GLS2: variants seen among roughly 807,000 people sequenced by gnomAD.
GLS2 encodes glutaminase liver isoform, mitochondrial.
In GLS2, 52 loss-of-function variants were observed where a neutral mutation model predicts 79.0. The observed-to-expected ratio is 0.66, with a 90% CI of 0.53 to 0.83. The LOEUF is 0.83. Among genes scored for constraint, GLS2 ranks in the 40% least tolerant of loss-of-function variants. The pLI is 0.00. For synonymous variants in GLS2, 238 were observed against 280.8 expected (o/e 0.85, Z 1.52); for missense variants, 561 against 764.8 (o/e 0.73, Z 3.14).
Position 56,475,031 on chromosome 12 carries a change from C to T in GLS2, c.996+13G>A. 1 of 1,614,148 alleles carries T rather than the reference C, an allele frequency of 6.2e-7. No homozygotes were observed. The highest frequency in any genetic ancestry group is 2.2e-5 in the East Asian group (1 of 44,890). On this transcript the variant is annotated intron_variant, in intron 10 of 17. Transcript: ENST00000311966. The stretch of plus-strand genomic sequence containing the variant: ...ATTCCCAGGGACTTTCTCTTCCGGC[C>T]TCTTCTGGTTACCTTCTTTTCCTTG...
intron 12 of GLS2, 88 bp from the exon 13 acceptor site, chr12:56,473,682 C>G: frequency 6.8e-7 from 1 of 1,472,684 alleles, no homozygotes; most frequent in Non-Finnish European, 9.1e-7. Flanking sequence ...AACAAGTTTA[C>G]AAATGACTGC....
In GLS2 at chr12:56,480,294, G is replaced by A; in HGVS notation, c.276C>T (p.Phe92=). ...CAGGTAGAGGGCAACTTACAGTGGT[G>A]AACTTGTGGATAGGGATTCGTTCCT... ...EGQERIPIHK[F]TTALKATGLQ... is the part of the protein sequence containing the mutation. Residue 92 remains phenylalanine (F), a synonymous_variant, in exon 2 of 18, where the codon TTC becomes TTT. Coordinates refer to ENST00000311966, the MANE Select transcript of GLS2 (RefSeq NM_013267.4). The A allele has an allele frequency of 6.2e-6, 10 of 1,613,818 alleles. No individual in the cohort carries two copies. The highest frequency in any genetic ancestry group is 1.1e-5 in the South Asian group (1 of 91,068).
chr12:56,474,981 C>G, intron 10 of GLS2, 63 bp downstream of exon 10: 2 of 1,613,852 alleles, frequency 1.2e-6, no homozygotes, highest in Non-Finnish European at 1.7e-6. Context: ...CCCCCAACCC[C>G]TACTGCCCTT....
Position 56,480,335 on chromosome 12 carries a change from T to C in GLS2, c.235A>G (p.Thr79Ala). 6.2e-7 allele frequency: 1 copy of C among 1,614,114 alleles called. No individual in the cohort carries two copies. The highest frequency in any genetic ancestry group is 1.1e-5 in the South Asian group (1 of 91,084). Residue 79 changes from threonine to alanine, a missense_variant, in exon 2 of 18, where the codon ACT becomes GCT. By Grantham distance (58) the Thr-to-Ala change is moderately conservative. Around this residue, in one of 4 missense-constraint regions of GLS2, gnomAD observed 161 missense variants for 167.8 expected, o/e 0.96. Transcript: ENST00000311966. ...LSRLGDLLFY[T>A]IAEGQERIPI... ...ATTCGTTCCTGTCCTTCAGCAATAG[T>C]GTAAAAGAGCAAATCACCCAGGCGG...
In GLS2 at chr12:56,474,543, C is replaced by G. The variant is rs1469719484; in HGVS notation, c.1224+1G>C. The G allele has an allele frequency of 6.2e-7, 1 of 1,613,754 alleles. No homozygotes were observed. Among genetic ancestry groups the G allele is most frequent in the Non-Finnish European group, 8.5e-7 (1 of 1,180,030 alleles). On this transcript the variant is annotated splice_donor_variant, in intron 12 of 17. Coordinates refer to ENST00000311966, the MANE Select transcript of GLS2 (RefSeq NM_013267.4). LOFTEE classifies it high-confidence loss of function. ...GATGGATAGCAGAGCCAGAAACTCA[C>G]GTGGAAGGCAAACTGGCCAGAGAAG... is the stretch of plus-strand genomic sequence containing the variant.
In GLS2 at chr12:56,476,296, G is replaced by A. The variant is rs530258995; in HGVS notation, c.838-319C>T. Reference sequence around the variant, plus strand: ...TCCCACTTCAGCCTCCAAGTAGCTCGGATTACAGGCATGAGCCAGCTTGCT... The same window carrying A: ...TCCCACTTCAGCCTCCAAGTAGCTCAGATTACAGGCATGAGCCAGCTTGCT... On this transcript the variant is annotated intron_variant, in intron 7 of 17. Transcript: ENST00000311966. 2.7e-3 allele frequency: 880 copies of A among 324,064 alleles called. 8 individuals carry two copies. Among genetic ancestry groups the A allele is most frequent in the Middle Eastern group, 9.9e-3 (10 of 1,010 alleles). 20.1% of individuals were successfully genotyped at this position (324,064 alleles called of 1,614,324 possible). A position where few individuals can be genotyped will look rare whatever the true frequency, so the allele number is the denominator to read the frequency against.
chr12:56,472,505 T>C, intron 15 of GLS2, 185 bp downstream of exon 15: 1 of 624,652 alleles, frequency 1.6e-6, no homozygotes, highest in South Asian at 2.0e-5. Context: ...ACATTAATTA[T>C]CATAGAGCAG....
In GLS2 at chr12:56,473,859, TTAGGAGA is replaced by T. The variant is rs1050846922; in HGVS notation, c.1225-272_1225-266del. 53 of 383,846 alleles carry T rather than the reference TTAGGAGA, an allele frequency of 1.4e-4. 1 individual carries two copies. The highest frequency in any genetic ancestry group is 1.0e-3 in the African/African-American group (51 of 48,608). 23.8% of individuals were successfully genotyped at this position (383,846 alleles called of 1,614,324 possible). ...AGAACTAGGAACTTCCATTCTGGTGTTAGGAGATAGGTAATAAACAGGTAAATAAATA... is the reference window on the plus strand; with the variant it reads ...AGAACTAGGAACTTCCATTCTGGTGTTAGGTAATAAACAGGTAAATAAATA... On this transcript the variant is annotated intron_variant, in intron 12 of 17. Coordinates refer to ENST00000311966, the MANE Select transcript of GLS2 (RefSeq NM_013267.4).
Position 56,478,114 on chromosome 12 carries a change from C to T in GLS2, c.615-18G>A, listed in dbSNP as rs753937723. The stretch of plus-strand genomic sequence containing the variant: ...CAGAGTGCCTGGAGGCAGACAGATG[C>T]CATGAAAGGGGTTGGCCTGTGTTCG... On this transcript the variant is annotated intron_variant, in intron 5 of 17. Transcript: ENST00000311966. 1 of 1,613,922 alleles carries T rather than the reference C, an allele frequency of 6.2e-7. No homozygotes were observed. Among genetic ancestry groups the T allele is most frequent in the South Asian group, 1.1e-5 (1 of 91,068 alleles).
chr12:56,471,167 G>A lies in GLS2; in HGVS notation c.*320C>T, dbSNP rs2136175233. ...CCACCAGAGTATCTCTCTCATGATG[G>A]TTTCTTCAGGGAGAGGAAGAGGAGA... On this transcript the variant is annotated 3_prime_UTR_variant, in exon 18 of 18. Coordinates refer to ENST00000311966, the MANE Select transcript of GLS2 (RefSeq NM_013267.4). The A allele has an allele frequency of 4.7e-6, 2 of 427,610 alleles. No homozygotes were observed. The highest frequency in any genetic ancestry group is 9.1e-5 in the South Asian group (1 of 11,046). The allele number at this position is 427,610 out of a possible 1,614,324, so 26.5% of individuals were successfully genotyped here. A position where few individuals can be genotyped will look rare whatever the true frequency, so the allele number is the denominator to read the frequency against.
intron 3 of GLS2, 113 bp from the exon 4 acceptor site, chr12:56,479,294 AACAGCTCTGTT>A: frequency 7.4e-7 from 1 of 1,351,110 alleles, no homozygotes; most frequent in East Asian, 2.5e-5. Flanking sequence ...GTTTGGGATC[AACAGCTCTGTT>A]ACCTTTGGCA....
chr12:56,478,028 A>G lies in GLS2; in HGVS notation c.683T>C (p.Ile228Thr). The G allele has an allele frequency of 6.2e-7, 1 of 1,614,212 alleles. No homozygotes were observed. The highest frequency in any genetic ancestry group is 8.5e-7 in the Non-Finnish European group (1 of 1,180,028). ...GTCAGTGCCTAGGGTGCTTATGGAG[A>G]TGGCATAGGTGAGGGGCTTCACACA... ...QSCVKPLTYA[I>T]SISTLGTDYV... Residue 228 changes from isoleucine (I) to threonine (T), a missense_variant, in exon 6 of 18, where the codon ATC (isoleucine) becomes ACC (threonine). Coordinates refer to ENST00000311966, the MANE Select transcript of GLS2 (RefSeq NM_013267.4).
chr12:56,478,961 G>A lies in GLS2; in HGVS notation c.534+91C>T, dbSNP rs1282376523. On this transcript the variant is annotated intron_variant, in intron 4 of 17. Transcript: ENST00000311966. ...ATTGCACCATTGCACTCCAGCCCGG[G>A]TGACAGAGCAAAACTCTGTCTCAGG... 1.4e-5 allele frequency: 21 copies of A among 1,497,360 alleles called. No homozygotes were observed. The African/African-American group carries it at 2.0e-4, about 14-fold the overall frequency. The allele number at this position is 1,497,360 out of a possible 1,614,324, so 92.8% of individuals were successfully genotyped here.
intron 1 of GLS2, among the ~76,000 whole-genome samples, chr12:56,486,010 T>A (rs1592284576): frequency 1.7e-5 from 1 of 57,780 alleles, no homozygotes; most frequent in Non-Finnish European, 3.4e-5. Flanking sequence ...AGAGACTCTG[T>A]CTCCAAAAAA....
intron 14 of GLS2, chr12:56,472,954 G>A: frequency 1.7e-6 from 1 of 591,992 alleles, no homozygotes. Flanking sequence ...GTGGCGCGCG[G>A]TCTTGGCTCA....
intron 1 of GLS2, among the ~76,000 whole-genome samples, chr12:56,485,462 G>C (rs191023902): frequency 1.4e-4 from 21 of 150,704 alleles, no homozygotes; most frequent in African/African-American, 4.9e-4. Flanking sequence ...ACAGGGTTTT[G>C]CCATGCTGCC....
intron 10 of GLS2, 45 bp downstream of exon 10, chr12:56,474,996 TAGC>T (rs1565702982): frequency 2.5e-6 from 4 of 1,613,958 alleles, no homozygotes; most frequent in East Asian, 2.2e-5. Flanking sequence ...GCCCTTCCAC[TAGC>T]AGCAGAATTC....
chr12:56,478,372 T>C (rs550709495), intron 4 of GLS2, 110 bp from the exon 5 acceptor site: 4 of 1,167,714 alleles, frequency 3.4e-6, no homozygotes, highest in Admixed American at 2.0e-5. Flanking sequence ...CTGTCTTCTA[T>C]AGGGCAGAGG....
In GLS2 at chr12:56,471,119, T is replaced by A; in HGVS notation, c.*368A>T. ...TTCCCATATTCTGTGGATATGTACA[T>A]GTGCATGGTAGCTAGAGTCCCTCCA... On this transcript the variant is annotated 3_prime_UTR_variant, in exon 18 of 18. Transcript: ENST00000311966. The A allele has an allele frequency of 2.5e-6, 1 of 392,882 alleles. No individual in the cohort carries two copies. The highest frequency in any genetic ancestry group is 4.5e-6 in the Non-Finnish European group (1 of 222,188). 24.3% of individuals were successfully genotyped at this position (392,882 alleles called of 1,614,324 possible). A position where few individuals can be genotyped will look rare whatever the true frequency, so the allele number is the denominator to read the frequency against.
Sources: allele counts gnomAD v4.1 joint callset (sites outside exome capture counted in the v4.1 genomes callset), GRCh38; gene constraint gnomAD v4.1.1; regional missense constraint gnomAD v4.1.1; transcripts MANE v1.5; gene names NCBI Gene and HGNC (gene_info 2026-07-23, HGNC 2026-07-21).